Variants in TLK1 observed in about 807,000 individuals in gnomAD.
TLK1 encodes serine/threonine-protein kinase tousled-like 1.
TLK1 carries 24 observed loss-of-function variants against 105.3 expected under a neutral mutation model. The observed-to-expected ratio is 0.23, with a 90% confidence interval of 0.17 to 0.32. The LOEUF (loss-of-function observed/expected upper bound fraction) is 0.32, where lower values mean the gene tolerates loss of function less well. Among genes scored for constraint, TLK1 ranks in the 10% least tolerant of loss-of-function variants. TLK1 has a pLI of 1.00. For synonymous variants in TLK1, 321 were observed against 310.4 expected, an observed-to-expected ratio of 1.03 and a Z score of -0.36; for missense variants, 558 against 910.5, an observed-to-expected ratio of 0.61 and a Z score of 4.98.
chr2:170,994,538 C>A (rs889741157), intron 20 of TLK1, among the ~76,000 whole-genome samples: 259 of 129,192 alleles, frequency 2.0e-3, no homozygotes, highest in Admixed American at 1.9e-3. Context: ...TAGCCTCTTA[C>A]AAAAAAAAAA....
At chr2:171,019,184 A>T (rs886631988) in intron 12 of TLK1, among the ~76,000 whole-genome samples, 4 of 152,166 alleles carry the variant, frequency 2.6e-5, no homozygotes, top group African/African-American at 7.2e-5. Flanking sequence ...CCCTCACCAG[A>T]TCTTCAGCAT....
intron 1 of TLK1, among the ~76,000 whole-genome samples, chr2:171,205,131 T>A (rs1693479521): frequency 6.6e-6 from 1 of 152,194 alleles, no homozygotes. Context: ...GAGGATTGCT[T>A]GAGCCCGGGA....
chr2:171,079,180 C>T (rs1688640710), intron 3 of TLK1, among the ~76,000 whole-genome samples: 1 of 152,214 alleles, frequency 6.6e-6, no homozygotes, highest in Non-Finnish European at 1.5e-5. Flanking sequence ...AAAGCAAACA[C>T]ATATCCTAGT....
intron 11 of TLK1, among the ~76,000 whole-genome samples, chr2:171,032,245 A>G (rs560845420): frequency 2.0e-5 from 3 of 152,350 alleles, no homozygotes; most frequent in Non-Finnish European, 2.9e-5. Flanking sequence ...CTACCAGAGC[A>G]GTCAGGTAAG....
intron 1 of TLK1, among the ~76,000 whole-genome samples, chr2:171,135,319 G>A (rs960339631): frequency 4.1e-3 from 286 of 70,294 alleles, no homozygotes; most frequent in African/African-American, 0.014. Flanking sequence ...GTGTGTGTGT[G>A]TATATATATA....
intron 1 of TLK1, among the ~76,000 whole-genome samples, chr2:171,122,365 T>C (rs1249115023): frequency 6.6e-6 from 1 of 152,196 alleles, no homozygotes; most frequent in Non-Finnish European, 1.5e-5. Context: ...CAGTAGAGCC[T>C]TGCTACTTAA....
chr2:171,015,780 A>G (rs1294102355), intron 12 of TLK1, among the ~76,000 whole-genome samples: 4 of 152,008 alleles, frequency 2.6e-5, no homozygotes, highest in Non-Finnish European at 5.9e-5. Flanking sequence ...TAAAAAATGG[A>G]TAAGACTAGG....
At chr2:171,151,119 T>C (rs1324788098) in intron 1 of TLK1, among the ~76,000 whole-genome samples, 3 of 151,822 alleles carry the variant, frequency 2.0e-5, no homozygotes, top group Non-Finnish European at 4.4e-5. Context: ...CCTCCTGGGC[T>C]CAGGCGATCC....
rs1292247757 is a variant in TLK1, at chr2:170,993,687, A to AAG, written c.*92_*93insCT. ...CTTGTGTAAAAAAAAAAAAAAAAAA[A>AAG]AAAGAAAAAGAAAACAAACACTCAA... On this transcript the variant is annotated 3_prime_UTR_variant, in exon 21 of 21. Coordinates refer to ENST00000431350, the MANE Select transcript of TLK1 (RefSeq NM_012290.5). 1.4e-5 allele frequency: 14 copies of AAG among 1,001,102 alleles called. No individual in the cohort carries two copies. Among genetic ancestry groups the AAG allele is most frequent in the Admixed American group, 6.6e-5 (2 of 30,378 alleles). The allele number at this position is 1,001,102 out of a possible 1,614,324, so 62.0% of individuals were successfully genotyped here. A position where few individuals can be genotyped will look rare whatever the true frequency, so the allele number is the denominator to read the frequency against.
At chr2:171,027,491 TACG>T (rs1438634694) in intron 12 of TLK1, among the ~76,000 whole-genome samples, 1 of 152,248 alleles carries the variant, frequency 6.6e-6, no homozygotes, top group African/African-American at 2.4e-5. Flanking sequence ...TTTAAAAGTT[TACG>T]ACAATAACAC....
At chr2:171,012,379 C>T (rs957282717) in intron 13 of TLK1, among the ~76,000 whole-genome samples, 8 of 152,048 alleles carry the variant, frequency 5.3e-5, no homozygotes, top group Admixed American at 1.3e-4. Context: ...ACTTGCTTAA[C>T]AGCTAATAAA....
rs1048760649 is a variant in TLK1, at chr2:170,993,450, T to A, written c.*330A>T. ...AGTAACAACCAAATGTATTTAAGTA[T>A]TATAAACGTTATTTACAGTGTTCCC... On this transcript the variant is annotated 3_prime_UTR_variant, in exon 21 of 21. Transcript: ENST00000431350. The A allele has an allele frequency of 1.0e-5, 2 of 193,212 alleles. No individual in the cohort carries two copies. Among genetic ancestry groups the A allele is most frequent in the African/African-American group, 4.6e-5 (2 of 43,118 alleles). The allele number at this position is 193,212 out of a possible 1,614,324, so 12.0% of individuals were successfully genotyped here.
chr2:171,006,883 G>A lies in TLK1; in HGVS notation c.1515C>T (p.Ala505=). 6.2e-7 allele frequency: 1 copy of A among 1,612,308 alleles called. No homozygotes were observed. Among genetic ancestry groups the A allele is most frequent in the Non-Finnish European group, 8.5e-7 (1 of 1,178,954 alleles). The change falls in exon 16 of 21, where the codon GCC becomes GCT. Residue 505 remains alanine, a synonymous_variant. Coordinates refer to ENST00000431350, the MANE Select transcript of TLK1 (RefSeq NM_012290.5). ...DEKKENYHKH[A]CREYRIHKEL... is the part of the protein sequence containing the mutation. ...CTTTGTGTATTCTATACTCTCTGCA[G>A]GCATGTCTATGAGAAGACAGTGTAT...
chr2:171,180,159 G>A (rs561249643), intron 1 of TLK1, among the ~76,000 whole-genome samples: 25 of 151,088 alleles, frequency 1.7e-4, no homozygotes, highest in African/African-American at 5.6e-4. Flanking sequence ...CCAGCTACTC[G>A]GGGCCACTGC....
chr2:171,023,517 T>C (rs1276066637), intron 12 of TLK1, among the ~76,000 whole-genome samples: 1 of 151,680 alleles, frequency 6.6e-6, no homozygotes, highest in Non-Finnish European at 1.5e-5. Flanking sequence ...CTAAACACAT[T>C]CTCTCCAACT....
intron 1 of TLK1, among the ~76,000 whole-genome samples, chr2:171,174,382 C>G (rs1460314503): frequency 1.3e-5 from 2 of 152,094 alleles, no homozygotes; most frequent in Non-Finnish European, 2.9e-5. Context: ...GGCTAGAGAA[C>G]CTTTGGGGAA....
chr2:171,163,624 T>G (rs1692555610), upstream of TLK1, among the ~76,000 whole-genome samples: 1 of 152,210 alleles, frequency 6.6e-6, no homozygotes, highest in Admixed American at 6.5e-5. Context: ...CAGAGCTCAG[T>G]TCCTCTCAAA....
intron 2 of TLK1, among the ~76,000 whole-genome samples, chr2:171,114,438 G>T (rs572445015): frequency 6.6e-6 from 1 of 152,202 alleles, no homozygotes; most frequent in African/African-American, 2.4e-5. Context: ...CCAGACTGTT[G>T]TCAGAGGGAG....
intron 14 of TLK1, among the ~76,000 whole-genome samples, chr2:171,009,590 AG>A (rs1468653862): frequency 2.0e-5 from 3 of 152,058 alleles, no homozygotes; most frequent in Non-Finnish European, 4.4e-5. Context: ...TACAGGTGTG[AG>A]CCATGGCCAA....
Sources: allele counts gnomAD v4.1 joint callset (sites outside exome capture counted in the v4.1 genomes callset), GRCh38; gene constraint gnomAD v4.1.1; transcripts MANE v1.5; gene names NCBI Gene and HGNC (gene_info 2026-07-23, HGNC 2026-07-21).